The following PAK3 variants were observed in gnomAD, a reference collection of about 807,000 sequenced individuals.
The protein encoded by PAK3 is serine/threonine-protein kinase PAK 3.
A neutral mutation model predicts 41.0 loss-of-function variants in PAK3; 4 were observed. The ratio of observed to expected loss-of-function variants is 0.10; its 90% CI spans 0.05 to 0.22. The LOEUF is 0.22. Among genes scored for constraint, PAK3 ranks in the 10% least tolerant of loss-of-function variants. The probability of loss-of-function intolerance (pLI) is 1.00; values close to 1 mark genes in which losing one functional copy is unlikely to be tolerated. For synonymous variants in PAK3, 146 were observed against 139.6 expected (o/e 1.05, Z -0.32); for missense variants, 205 against 409.9 (o/e 0.50, Z 4.32).
chrX:111,148,014 CA>C (rs1461366854), intron 7 of PAK3, 124 bp downstream of exon 7: 3 of 539,782 alleles, frequency 5.6e-6, no homozygotes, highest in African/African-American at 4.7e-5. Flanking sequence ...ATGACATCAA[CA>C]TAAGGAAACC....
chrX:111,144,966 C>A, intron 6 of PAK3: 1 of 762,386 alleles, frequency 1.3e-6, no homozygotes, highest in Non-Finnish European at 2.0e-6. Context: ...AAGATAAATG[C>A]TTGGCCTGTT....
chrX:111,165,978 T>C lies in PAK3; in HGVS notation c.766+2251T>C, dbSNP rs745710515. 2.7e-5 allele frequency among the ~76,000 whole-genome samples: 3 copies of C among 111,309 alleles called. No individual in the cohort carries two copies. In the South Asian group the frequency reaches 1.1e-3, roughly 42 times the overall value. On this transcript the variant is annotated intron_variant, in intron 10 of 17. Transcript: ENST00000372007. ...TGAATTAAGAATTCAGTGGGGTTTTTTTTTTCTCTACTGGACTTCATGCTT... is the reference window on the plus strand; with the variant it reads ...TGAATTAAGAATTCAGTGGGGTTTTCTTTTTCTCTACTGGACTTCATGCTT...
intron 1 of PAK3, among the ~76,000 whole-genome samples, chrX:111,037,588 T>C (rs765701176): frequency 4.3e-4 from 48 of 111,561 alleles, no homozygotes; most frequent in Non-Finnish European, 8.3e-4. Flanking sequence ...ATCGAGCCCA[T>C]CAAGTAGCAG....
chrX:111,144,653 C>A (rs1213401770), intron 6 of PAK3, among the ~76,000 whole-genome samples: 5 of 110,887 alleles, frequency 4.5e-5, no homozygotes, highest in African/African-American at 6.6e-5. Flanking sequence ...AGTTGTCTTA[C>A]AAGGGCTTGT....
At chrX:111,105,908 TTGAC>T (rs1569334176) in intron 4 of PAK3, among the ~76,000 whole-genome samples, 1 of 112,057 alleles carries the variant, frequency 8.9e-6, no homozygotes, top group African/African-American at 3.2e-5. Context: ...TATAGTCACA[TTGAC>T]TGACACATAT....
intron 1 of PAK3, among the ~76,000 whole-genome samples, chrX:110,950,487 C>T (rs1045661127): frequency 6.3e-5 from 7 of 111,255 alleles, no homozygotes; most frequent in Admixed American, 3.8e-4. Context: ...TATACATGTG[C>T]CATGGCGGTT....
intron 11 of PAK3, among the ~76,000 whole-genome samples, chrX:111,186,745 A>C (rs1307777889): frequency 8.9e-6 from 1 of 112,182 alleles, no homozygotes; most frequent in Non-Finnish European, 1.9e-5. Context: ...ATCCCCATCA[A>C]GCTACCATTG....
At chrX:110,988,848 G>A (rs765512876) in intron 1 of PAK3, among the ~76,000 whole-genome samples, 2 of 111,951 alleles carry the variant, frequency 1.8e-5, no homozygotes, top group South Asian at 3.8e-4. Flanking sequence ...CCCATTAGAC[G>A]GAAAATGCAT....
intron 5 of PAK3, among the ~76,000 whole-genome samples, chrX:111,140,861 G>A (rs2093861011): frequency 9.0e-6 from 1 of 111,710 alleles, no homozygotes; most frequent in South Asian, 3.8e-4. Flanking sequence ...CATAAGAATA[G>A]CCTTTGAACA....
intron 1 of PAK3, among the ~76,000 whole-genome samples, chrX:111,064,324 G>T (rs186222228): frequency 2.7e-5 from 3 of 110,363 alleles, no homozygotes; most frequent in Non-Finnish European, 5.7e-5. Context: ...GATTCTGGGG[G>T]TACATGTGCA....
At chrX:111,021,961 CA>C (rs2092190315) in intron 1 of PAK3, among the ~76,000 whole-genome samples, 1 of 110,726 alleles carries the variant, frequency 9.0e-6, no homozygotes, top group South Asian at 3.8e-4. Flanking sequence ...CAAATTAACC[CA>C]ATCCATCAAA....
intron 1 of PAK3, among the ~76,000 whole-genome samples, chrX:111,071,072 G>A (rs2092740226): frequency 8.9e-6 from 1 of 112,048 alleles, no homozygotes. Context: ...CCAACCCTTT[G>A]ATGTATTAAA....
intron 1 of PAK3, among the ~76,000 whole-genome samples, chrX:110,981,542 AGTGTGTGTGTGT>A (rs3033534): frequency 9.7e-6 from 1 of 102,969 alleles, no homozygotes; most frequent in Non-Finnish European, 2.0e-5. Flanking sequence ...GAGAAAAAAT[AGTGTGTGTGTGT>A]GTGTGTGTGT....
intron 17 of PAK3, chrX:111,217,719 G>A: frequency 2.0e-6 from 1 of 507,193 alleles, no homozygotes; most frequent in Non-Finnish European, 2.4e-6. Context: ...ATGGCCCTTT[G>A]TTAATCCTCT....
intron 16 of PAK3, among the ~76,000 whole-genome samples, chrX:111,208,713 AATG>A (rs1446240682): frequency 3.6e-5 from 4 of 112,053 alleles, no homozygotes; most frequent in Non-Finnish European, 5.6e-5. Context: ...GAAATTGCCT[AATG>A]ATGCATTTCT....
chrX:111,192,990 G>A (rs2094574196), intron 13 of PAK3, among the ~76,000 whole-genome samples: 1 of 111,813 alleles, frequency 8.9e-6, no homozygotes, highest in African/African-American at 3.3e-5. Context: ...GGCTTTAATG[G>A]GTGCTTTGTG....
chrX:111,134,434 ACTGGGCCTT>A (rs1452490672), intron 5 of PAK3, among the ~76,000 whole-genome samples: 1 of 112,052 alleles, frequency 8.9e-6, no homozygotes, highest in Non-Finnish European at 1.9e-5. Flanking sequence ...GTCCCCATAT[ACTGGGCCTT>A]ATTTCATATA....
chrX:111,080,826 A>C (rs994846090), intron 1 of PAK3, among the ~76,000 whole-genome samples: 1 of 112,342 alleles, frequency 8.9e-6, no homozygotes, highest in South Asian at 3.8e-4. Flanking sequence ...ATATGAAATT[A>C]GCCTACGTGT....
chrX:111,041,867 A>G (rs2092455638), intron 1 of PAK3, among the ~76,000 whole-genome samples: 1 of 111,764 alleles, frequency 8.9e-6, no homozygotes, highest in African/African-American at 3.3e-5. Context: ...CAGATCTGTC[A>G]TGCATTTGAC....
Sources: gnomAD v4.1 joint callset for allele counts (sites outside exome capture counted in the v4.1 genomes callset) on GRCh38, gnomAD v4.1.1 for gene constraint, MANE v1.5 for transcripts, NCBI Gene and HGNC (gene_info 2026-07-23, HGNC 2026-07-21) for gene names.